HKDC1: variants seen among roughly 807,000 people sequenced by gnomAD.
HKDC1 encodes the protein hexokinase domain containing 1.
HKDC1 carries 66 observed loss-of-function variants against 96.6 expected under a neutral mutation model. The ratio of observed to expected loss-of-function variants is 0.68; its 90% CI spans 0.56 to 0.84. The LOEUF (loss-of-function observed/expected upper bound fraction) is 0.84. Among genes scored for constraint, HKDC1 ranks in the 40% least tolerant of loss-of-function variants. HKDC1 has a pLI of 0.00. For missense variants in HKDC1, 1,211 were observed against 1,208.1 expected (o/e 1.00, Z -0.04); for synonymous variants, 466 against 473.1 (o/e 0.98, Z 0.20).
In HKDC1 at chr10:69,239,091, A is replaced by G. The variant is rs1282271335; in HGVS notation, c.545A>G (p.Asp182Gly). The change falls in exon 5 of 18, where the codon GAC (aspartate) becomes GGC (glycine). Residue 182 changes from aspartate to glycine, a missense_variant. Transcript: ENST00000354624. ...AAGTTTAAGGCACGAGGAGTTCAGG[A>G]CACGGATGTGGTGAGCCGTCTGACC... ...TKKFKARGVQDTDVVSRLTKA... is the reference protein window; with the variant it reads ...TKKFKARGVQGTDVVSRLTKA... 1 of 1,614,038 alleles carries G rather than the reference A, an allele frequency of 6.2e-7. No homozygotes were observed.
At chr10:69,227,139 G>T in intron 1 of HKDC1, 68 bp from the exon 2 acceptor site, 1 of 1,558,862 alleles carries the variant, frequency 6.4e-7, no homozygotes, top group South Asian at 1.1e-5. Context: ...GGGATGTCGG[G>T]GGTTACAGCC....
At chr10:69,231,570 C>T (rs552796076) in intron 2 of HKDC1, among the ~76,000 whole-genome samples, 33 of 152,310 alleles carry the variant, frequency 2.2e-4, no homozygotes, top group African/African-American at 7.5e-4. Flanking sequence ...AGCCAGCTGC[C>T]TTTGTCTCCC....
intron 4 of HKDC1, among the ~76,000 whole-genome samples, chr10:69,234,821 T>C (rs538692085): frequency 6.6e-6 from 1 of 152,386 alleles, no homozygotes; most frequent in East Asian, 1.9e-4. Context: ...TTGTATTTAA[T>C]AGGTGCTTGA....
chr10:69,253,711 C>T (rs1159435403), intron 12 of HKDC1, among the ~76,000 whole-genome samples: 2 of 152,052 alleles, frequency 1.3e-5, no homozygotes, highest in South Asian at 2.1e-4. Context: ...TGAAATTCAG[C>T]CTGGAAAAGG....
chr10:69,251,541 T>C (rs776743814), intron 12 of HKDC1, among the ~76,000 whole-genome samples: 4 of 152,246 alleles, frequency 2.6e-5, no homozygotes, highest in Non-Finnish European at 4.4e-5. Flanking sequence ...GAGATTTTCA[T>C]AGGAATTGAG....
In HKDC1 at chr10:69,266,635, G is replaced by A. The variant is rs1469015247; in HGVS notation, c.2632G>A (p.Val878Met). 1 of 1,614,032 alleles carries A rather than the reference G, an allele frequency of 6.2e-7. No individual in the cohort carries two copies. Among genetic ancestry groups the A allele is most frequent in the Non-Finnish European group, 8.5e-7 (1 of 1,180,012 alleles). Reference protein sequence around the residue: ...PHFSRILQETVKELAPRCDVT... With the variant: ...PHFSRILQETMKELAPRCDVT... ...CTTTTCTAGAATATTGCAGGAAACT[G>A]TGAAGGAACTAGCCCCTCGATGTGA... The change falls in exon 18 of 18, where the codon GTG becomes ATG. Residue 878 changes from valine to methionine, a missense_variant. Coordinates refer to ENST00000354624, the MANE Select transcript of HKDC1 (RefSeq NM_025130.4).
At position 69,266,742 on chromosome 10, in the gene HKDC1, A is replaced by C; in HGVS notation, c.2739A>C (p.Ala913=). 2 of 1,612,618 alleles carry C rather than the reference A, an allele frequency of 1.2e-6. No homozygotes were observed. The highest frequency in any genetic ancestry group is 1.7e-6 in the Non-Finnish European group (2 of 1,179,626). Residue 913 remains alanine, a synonymous_variant, in exon 18 of 18, where the codon GCA becomes GCC. Coordinates refer to ENST00000354624, the MANE Select transcript of HKDC1 (RefSeq NM_025130.4). ...CTGTGGCCAAGAGGTTACAGCAGGC[A>C]CAGAAGGAGAACTAGGAACCCCTGG... ...ITAVAKRLQQ[A]QKEN is the part of the protein sequence containing the mutation.
intron 2 of HKDC1, among the ~76,000 whole-genome samples, chr10:69,228,462 G>A (rs1843197311): frequency 1.3e-5 from 2 of 152,260 alleles, no homozygotes; most frequent in South Asian, 4.1e-4. Context: ...TTTGTTGGGG[G>A]TGGGGGACAT....
chr10:69,245,461 A>G (rs1171085518), intron 7 of HKDC1, among the ~76,000 whole-genome samples: 2 of 149,316 alleles, frequency 1.3e-5, no homozygotes, highest in Non-Finnish European at 3.0e-5. Flanking sequence ...ATGCACCCCT[A>G]TGGGAGGCTG....
In HKDC1 at chr10:69,248,734, C is replaced by A; in HGVS notation, c.1570+6C>A. 1 of 1,590,592 alleles carries A rather than the reference C, an allele frequency of 6.3e-7. No individual in the cohort carries two copies. On this transcript the variant is annotated splice_donor_region_variant and intron_variant, in intron 10 of 17. Coordinates refer to ENST00000354624, the MANE Select transcript of HKDC1 (RefSeq NM_025130.4). ...CGGGCTGCCGGACGGCACAGGTGGGCCAGCACAGCCTCCCTCTCTGAACAG... is the reference window on the plus strand; with the variant it reads ...CGGGCTGCCGGACGGCACAGGTGGGACAGCACAGCCTCCCTCTCTGAACAG...
Position 69,248,460 on chromosome 10 carries a change from G to A in HKDC1, c.1302G>A (p.Leu434=). The change falls in exon 10 of 18, where the codon CTG becomes CTA. Residue 434 remains leucine, a synonymous_variant. Coordinates refer to ENST00000354624, the MANE Select transcript of HKDC1 (RefSeq NM_025130.4). Reference sequence around the variant, plus strand: ...GCCTGCACAAGGTGGTGAGGAAACTGGTCCCAAGCTGTGATGTCCGCTTCC... The same window carrying A: ...GCCTGCACAAGGTGGTGAGGAAACTAGTCCCAAGCTGTGATGTCCGCTTCC... The part of the protein sequence containing the change: ...PKRLHKVVRK[L]VPSCDVRFLL... 1 of 1,592,166 alleles carries A rather than the reference G, an allele frequency of 6.3e-7. No individual in the cohort carries two copies. The highest frequency in any genetic ancestry group is 8.6e-7 in the Non-Finnish European group (1 of 1,165,834).
chr10:69,223,486 T>C (rs1248427594), intron 1 of HKDC1, among the ~76,000 whole-genome samples: 1 of 152,058 alleles, frequency 6.6e-6, no homozygotes, highest in African/African-American at 2.4e-5. Flanking sequence ...TCCAATCAAG[T>C]GGATATGCCA....
chr10:69,241,750 G>T (rs1200556569), intron 6 of HKDC1, among the ~76,000 whole-genome samples: 1 of 152,180 alleles, frequency 6.6e-6, no homozygotes, highest in East Asian at 1.9e-4. Context: ...CTCCCAAAGT[G>T]CTGGGATTAC....
intron 12 of HKDC1, among the ~76,000 whole-genome samples, chr10:69,254,706 G>A (rs888735474): frequency 2.0e-5 from 3 of 152,136 alleles, no homozygotes; most frequent in South Asian, 4.1e-4. Context: ...AAGGAATGTG[G>A]CACATCCATA....
At chr10:69,258,728 A>G (rs1419784086) in intron 14 of HKDC1, 48 bp from the exon 15 acceptor site, 1 of 1,594,692 alleles carries the variant, frequency 6.3e-7, no homozygotes, top group Admixed American at 1.7e-5. Context: ...CCTTTCTAAA[A>G]CCTGGTGATG....
rs372204309 is a variant in HKDC1, at chr10:69,220,610, C to T, written c.63+112C>T. The T allele has an allele frequency of 1.4e-5, 10 of 691,690 alleles. No individual in the cohort carries two copies. The African/African-American group carries it at 1.5e-4, about 10-fold the overall frequency. The allele number at this position is 691,690 out of a possible 1,614,324, so 42.8% of individuals were successfully genotyped here. On this transcript the variant is annotated intron_variant, in intron 1 of 17. Coordinates refer to ENST00000354624, the MANE Select transcript of HKDC1 (RefSeq NM_025130.4). ...TGAAGAGAGCTTATTAGAAAAGATA[C>T]TGGGAGCATATGACCAGTAAAAGAC...
intron 8 of HKDC1, 106 bp from the exon 9 acceptor site, chr10:69,247,254 C>G (rs1843555766): frequency 1.4e-6 from 1 of 733,306 alleles, no homozygotes; most frequent in East Asian, 2.5e-5. Flanking sequence ...TACCATGGAC[C>G]TGCCTATTAA....
chr10:69,253,561 A>C (rs1032164248), intron 12 of HKDC1, among the ~76,000 whole-genome samples: 17 of 152,244 alleles, frequency 1.1e-4, no homozygotes, highest in African/African-American at 4.1e-4. Flanking sequence ...TCTCTGAGGC[A>C]TGGTTTCCCC....
chr10:69,265,236 G>A (rs1173688277), intron 16 of HKDC1: 4 of 244,340 alleles, frequency 1.6e-5, no homozygotes, highest in Non-Finnish European at 7.8e-6. Flanking sequence ...GCTCTCTAAC[G>A]AGAGGGCACA....
Sources: allele counts gnomAD v4.1 joint callset (sites outside exome capture counted in the v4.1 genomes callset), GRCh38; gene constraint gnomAD v4.1.1; transcripts MANE v1.5; gene names NCBI Gene and HGNC (gene_info 2026-07-23, HGNC 2026-07-21).